The following SIK3 variants were observed in gnomAD, a reference collection of about 807,000 sequenced individuals.
SIK3 encodes the protein SIK family kinase 3, also known as serine/threonine-protein kinase SIK3.
Under a neutral mutation model 144.2 loss-of-function variants are expected in SIK3, and 28 were observed. The observed-to-expected ratio is 0.19, with a 90% confidence interval of 0.14 to 0.27. SIK3 has a LOEUF of 0.27. SIK3 is among the 10% of genes least tolerant of loss of function. SIK3 has a pLI of 1.00. For synonymous variants in SIK3, 686 were observed against 676.3 expected, an observed-to-expected ratio of 1.01 and a Z score of -0.22; for missense variants, 1,319 against 1,776.0, an observed-to-expected ratio of 0.74 and a Z score of 4.62.
chr11:117,021,769 G>A (rs1045310001), intron 1 of SIK3, among the ~76,000 whole-genome samples: 1 of 151,168 alleles, frequency 6.6e-6, no homozygotes, highest in Non-Finnish European at 1.5e-5. Context: ...TCCTGTCTGG[G>A]CAACGTAACA....
intron 6 of SIK3, among the ~76,000 whole-genome samples, chr11:116,889,172 A>AT (rs1944974826): frequency 6.6e-6 from 1 of 152,254 alleles, no homozygotes; most frequent in Non-Finnish European, 1.5e-5. Context: ...TCATTTCTCT[A>AT]AACTTCAGCT....
At chr11:117,048,455 G>A (rs980098230) in intron 1 of SIK3, among the ~76,000 whole-genome samples, 4 of 152,064 alleles carry the variant, frequency 2.6e-5, no homozygotes, top group African/African-American at 4.8e-5. Flanking sequence ...TTGGGAGTTC[G>A]AGACCAGCCT....
chr11:117,006,897 C>T (rs781564643), intron 1 of SIK3, among the ~76,000 whole-genome samples: 48 of 152,260 alleles, frequency 3.2e-4, no homozygotes, highest in Non-Finnish European at 5.9e-4. Context: ...TATTAATACA[C>T]TTACCATAAA....
intron 3 of SIK3, among the ~76,000 whole-genome samples, chr11:116,937,986 C>T (rs1948008888): frequency 6.6e-6 from 1 of 152,174 alleles, no homozygotes; most frequent in South Asian, 2.1e-4. Context: ...AAGTGGATCA[C>T]TTGAGGCCAG....
chr11:116,898,737 A>G (rs1209664723), intron 4 of SIK3, among the ~76,000 whole-genome samples: 4 of 149,076 alleles, frequency 2.7e-5, no homozygotes, highest in African/African-American at 9.8e-5. Flanking sequence ...GATGGTGAGC[A>G]TTTTTTCATG....
At chr11:117,083,483 C>A (rs147984107) in intron 1 of SIK3, among the ~76,000 whole-genome samples, 2 of 152,186 alleles carry the variant, frequency 1.3e-5, no homozygotes, top group African/African-American at 4.8e-5. Flanking sequence ...AATACAACTA[C>A]CCCATTTGAC....
intron 1 of SIK3, among the ~76,000 whole-genome samples, chr11:117,018,186 A>G (rs552341851): frequency 6.6e-6 from 1 of 152,284 alleles, no homozygotes; most frequent in East Asian, 1.9e-4. Flanking sequence ...AGGACCCCTG[A>G]GTACACCAAA....
chr11:116,995,982 CTTAATTAATTAA>C (rs551918874), intron 1 of SIK3, among the ~76,000 whole-genome samples: 4 of 152,042 alleles, frequency 2.6e-5, no homozygotes, highest in Non-Finnish European at 4.4e-5. Context: ...GAGACTTCAT[CTTAATTAATTAA>C]TTAATTAATT....
intron 3 of SIK3, among the ~76,000 whole-genome samples, chr11:116,938,595 G>GAAAAA: frequency 3.0e-5 from 2 of 66,426 alleles, no homozygotes; most frequent in Non-Finnish European, 5.6e-5. Context: ...GGAGAGGAGA[G>GAAAAA]GGGAGGAGAG....
At chr11:116,961,146 A>G (rs1051686734) in intron 1 of SIK3, among the ~76,000 whole-genome samples, 1 of 152,212 alleles carries the variant, frequency 6.6e-6, no homozygotes, top group Non-Finnish European at 1.5e-5. Flanking sequence ...GGGCTGTGGC[A>G]GAGAGACACT....
At chr11:116,965,015 A>G (rs1049415478) in intron 1 of SIK3, among the ~76,000 whole-genome samples, 4 of 152,180 alleles carry the variant, frequency 2.6e-5, no homozygotes, top group Non-Finnish European at 5.9e-5. Flanking sequence ...TGCATTTCCA[A>G]TGTCTGGATA....
At chr11:116,991,904 T>C (rs916037493) in intron 1 of SIK3, among the ~76,000 whole-genome samples, 2 of 152,164 alleles carry the variant, frequency 1.3e-5, no homozygotes, top group Non-Finnish European at 2.9e-5. Flanking sequence ...ATGGCAGGTT[T>C]TTCATTTCTA....
At chr11:117,059,892 T>TAGA (rs2135950219) in intron 1 of SIK3, among the ~76,000 whole-genome samples, 1 of 152,360 alleles carries the variant, frequency 6.6e-6, no homozygotes, top group South Asian at 2.1e-4. Context: ...AACTCTCATT[T>TAGA]ACTGCTGGTG....
At chr11:116,926,947 G>T (rs1241487118) in intron 4 of SIK3, among the ~76,000 whole-genome samples, 1 of 151,504 alleles carries the variant, frequency 6.6e-6, no homozygotes, top group Non-Finnish European at 1.5e-5. Context: ...CTTGAACCTG[G>T]GAGATGGAGG....
chr11:116,879,064 C>T (rs1055293447), intron 6 of SIK3, among the ~76,000 whole-genome samples: 1 of 152,212 alleles, frequency 6.6e-6, no homozygotes, highest in African/African-American at 2.4e-5. Flanking sequence ...AGTATCAACT[C>T]TCCAGTACCT....
rs758486950 is a variant in SIK3, at chr11:117,098,397, T to TCGCCGCCGC, written c.10_18dup (p.Ala4_Ala6dup). ...GCCCCGGCAGCCCCGCCAGCTCCGC[T>TCGCCGCCGC]CGCCGCCGCCGCCGCCATCTTGTTG... On this transcript the variant is annotated inframe_insertion, in exon 1 of 25. Coordinates refer to ENST00000445177, the MANE Select transcript of SIK3 (RefSeq NM_001366686.3). 8.7e-7 allele frequency: 1 copy of TCGCCGCCGC among 1,148,032 alleles called. No homozygotes were observed. Among genetic ancestry groups the TCGCCGCCGC allele is most frequent in the Non-Finnish European group, 1.1e-6 (1 of 937,354 alleles). 71.1% of individuals were successfully genotyped at this position (1,148,032 alleles called of 1,614,324 possible). A position where few individuals can be genotyped will look rare whatever the true frequency, so the allele number is the denominator to read the frequency against.
chr11:116,858,791 G>A lies in SIK3; in HGVS notation c.2766-92C>T, dbSNP rs916408932. The A allele has an allele frequency of 1.4e-5, 21 of 1,491,750 alleles. No individual in the cohort carries two copies. The highest frequency in any genetic ancestry group is 1.7e-5 in the Non-Finnish European group (19 of 1,119,814). The allele number at this position is 1,491,750 out of a possible 1,614,324, so 92.4% of individuals were successfully genotyped here. A position where few individuals can be genotyped will look rare whatever the true frequency, so the allele number is the denominator to read the frequency against. ...TCCTCCTCAGTAGGGAGAACCCACT[G>A]GTACAGAGAACTGTGGTGTGACAGA... On this transcript the variant is annotated intron_variant, in intron 20 of 24. Coordinates refer to ENST00000445177, the MANE Select transcript of SIK3 (RefSeq NM_001366686.3). This position sits in a 1 kb window ranked among gnomAD's most constrained non-coding sequence, Gnocchi z 5.4.
intron 3 of SIK3, among the ~76,000 whole-genome samples, chr11:116,945,557 C>T (rs1948550742): frequency 1.3e-5 from 2 of 151,964 alleles, no homozygotes; most frequent in South Asian, 4.2e-4. Context: ...GATCAGTCAT[C>T]CTGGTCTCAC....
intron 3 of SIK3, among the ~76,000 whole-genome samples, chr11:116,945,533 A>C (rs1948549311): frequency 1.3e-5 from 2 of 151,868 alleles, no homozygotes; most frequent in African/African-American, 4.8e-5. Flanking sequence ...CCAGCTTTAA[A>C]AATTCTTATT....
Sources: allele counts gnomAD v4.1 joint callset (sites outside exome capture counted in the v4.1 genomes callset), GRCh38; gene constraint gnomAD v4.1.1; non-coding constraint Gnocchi (gnomAD v3.1); transcripts MANE v1.5; gene names NCBI Gene and HGNC (gene_info 2026-07-23, HGNC 2026-07-21).